NBN: variants seen among roughly 807,000 people sequenced by gnomAD.
The protein encoded by NBN is Nijmegen breakage syndrome 1 (nibrin).
In NBN, 88 loss-of-function variants were observed where a neutral mutation model predicts 90.8. That is an observed-to-expected ratio of 0.97 (90% CI 0.82 to 1.16). The LOEUF (loss-of-function observed/expected upper bound fraction) is 1.16. Among genes scored for constraint, NBN ranks in the 50% most tolerant of loss-of-function variants. NBN has a pLI of 0.00. For missense variants in NBN, 894 were observed against 869.6 expected, an observed-to-expected ratio of 1.03 and a Z score of -0.35; for synonymous variants, 328 against 295.1, an observed-to-expected ratio of 1.11 and a Z score of -1.14.
chr8:89,979,453 G>A (rs895578677), intron 4 of NBN, among the ~76,000 whole-genome samples: 1 of 152,208 alleles, frequency 6.6e-6, no homozygotes, highest in African/African-American at 2.4e-5. Flanking sequence ...TCTAATACAT[G>A]TGACTTGGGA....
intron 12 of NBN, 39 bp from the exon 13 acceptor site, chr8:89,946,334 A>G (rs762251194): frequency 1.3e-6 from 2 of 1,526,286 alleles, no homozygotes; most frequent in Non-Finnish European, 1.8e-6. Context: ...GAAAGAGAAG[A>G]AATAACAAAG....
chr8:89,957,275 G>T (rs578150831), intron 9 of NBN, among the ~76,000 whole-genome samples: 17 of 152,110 alleles, frequency 1.1e-4, no homozygotes, highest in Non-Finnish European at 1.9e-4. Context: ...GCAGGCCTAG[G>T]CTAACATGTA....
At position 89,937,644 on chromosome 8, in the gene NBN, T is replaced by C. The variant is rs548524648; in HGVS notation, c.2185-569A>G. 1.0e-3 allele frequency among the ~76,000 whole-genome samples: 152 copies of C among 152,298 alleles called. 1 individual carries two copies. The highest frequency in any genetic ancestry group is 3.6e-3 in the Admixed American group (55 of 15,304). On this transcript the variant is annotated intron_variant, in intron 14 of 15. Transcript: ENST00000265433. The stretch of plus-strand genomic sequence containing the variant: ...TTCCTAAAGTCTAGCTATGCCCTTA[T>C]CATATGCAATTTGAAACCCTTCGTG...
intron 11 of NBN, among the ~76,000 whole-genome samples, chr8:89,950,212 T>C (rs1304627950): frequency 6.6e-6 from 1 of 152,216 alleles, no homozygotes; most frequent in Non-Finnish European, 1.5e-5. Flanking sequence ...ATCCCTGTGG[T>C]ATCCCTGAGG....
At chr8:89,947,930 A>G in intron 11 of NBN, 38 bp from the exon 12 acceptor site, 3 of 1,235,082 alleles carry the variant, frequency 2.4e-6, no homozygotes, top group Non-Finnish European at 3.5e-6. Flanking sequence ...TCATAGGAGT[A>G]ATAAAATGGT....
At chr8:89,947,773 G>C (rs1192160240) in intron 12 of NBN, 51 bp downstream of exon 12, 1 of 1,013,506 alleles carries the variant, frequency 9.9e-7, no homozygotes, top group Non-Finnish European at 1.5e-6. Flanking sequence ...TTGATGAGAT[G>C]ACAGTCCCCG....
Position 89,933,775 on chromosome 8 carries a change from A to G in NBN, c.*1807T>C. 4.3e-6 allele frequency: 1 copy of G among 232,562 alleles called. No individual in the cohort carries two copies. The allele number at this position is 232,562 out of a possible 1,614,324, so 14.4% of individuals were successfully genotyped here. ...TCAAAATTTAAAACTTCTATTCATC[A>G]AAAGACATAAAGAAAACAGTCAAGC... On this transcript the variant is annotated 3_prime_UTR_variant, in exon 16 of 16. Coordinates refer to ENST00000265433, the MANE Select transcript of NBN (RefSeq NM_002485.5).
intron 7 of NBN, among the ~76,000 whole-genome samples, chr8:89,968,757 T>C (rs1811367974): frequency 6.6e-6 from 1 of 152,202 alleles, no homozygotes; most frequent in South Asian, 2.1e-4. Context: ...TATACATGTG[T>C]AATGATTTGT....
intron 15 of NBN, among the ~76,000 whole-genome samples, chr8:89,936,813 T>G (rs776294980): frequency 1.5e-4 from 23 of 152,178 alleles, no homozygotes; most frequent in Non-Finnish European, 2.8e-4. Context: ...CCCATACAAA[T>G]TTTAAGTATC....
At chr8:89,941,888 A>G (rs1809967142) in intron 14 of NBN, among the ~76,000 whole-genome samples, 1 of 152,202 alleles carries the variant, frequency 6.6e-6, no homozygotes, top group Admixed American at 6.5e-5. Flanking sequence ...ACTTTCCTAA[A>G]TAACCCTTAT....
At chr8:89,961,223 A>G (rs1047166761) in intron 8 of NBN, among the ~76,000 whole-genome samples, 1 of 152,240 alleles carries the variant, frequency 6.6e-6, no homozygotes, top group Non-Finnish European at 1.5e-5. Flanking sequence ...CAATTTCAAC[A>G]GTGGGTGACA....
Position 89,943,288 on chromosome 8 carries a change from T to A in NBN, c.2149A>T (p.Thr717Ser), listed in dbSNP as rs587780093. 9 of 1,613,684 alleles carry A rather than the reference T, an allele frequency of 5.6e-6. No individual in the cohort carries two copies. Among genetic ancestry groups the A allele is most frequent in the Middle Eastern group, 3.3e-4 (2 of 6,080 alleles). ...DLIAHHARKN[T>S]ELEEWLRQEM... Reference sequence around the variant, plus strand: ...TGCCTTAGCCACTCTTCTAGTTCTGTATTCTTTCGAGCATGATGAGCTATT... The same window carrying A: ...TGCCTTAGCCACTCTTCTAGTTCTGAATTCTTTCGAGCATGATGAGCTATT... The change falls in exon 14 of 16, where the codon ACA (threonine) becomes TCA (serine). Residue 717 changes from threonine (T) to serine (S), a missense_variant. Coordinates refer to ENST00000265433, the MANE Select transcript of NBN (RefSeq NM_002485.5).
At chr8:89,944,374 A>G (rs1810093705) in intron 13 of NBN, among the ~76,000 whole-genome samples, 2 of 152,132 alleles carry the variant, frequency 1.3e-5, no homozygotes, top group South Asian at 4.1e-4. Flanking sequence ...TAAAATTTTT[A>G]TACATCTCTG....
chr8:89,955,397 T>C lies in NBN; in HGVS notation c.1283A>G (p.Asn428Ser), dbSNP rs1406123091. 2 of 1,613,878 alleles carry C rather than the reference T, an allele frequency of 1.2e-6. No homozygotes were observed. The change falls in exon 10 of 16, where the codon AAC becomes AGC. Residue 428 changes from asparagine (N) to serine (S), a missense_variant. Coordinates refer to ENST00000265433, the MANE Select transcript of NBN (RefSeq NM_002485.5). ...SNTLAKMRIPNYQLSPTKLPS... is the reference protein window; with the variant it reads ...SNTLAKMRIPSYQLSPTKLPS... Reference sequence around the variant, plus strand: ...CAATTTAGTTGGTGAAAGCTGATAGTTTGGGATTCTCATCTTAGCCAAAGT... The same window carrying C: ...CAATTTAGTTGGTGAAAGCTGATAGCTTGGGATTCTCATCTTAGCCAAAGT...
At position 89,934,208 on chromosome 8, in the gene NBN, T is replaced by A. The variant is rs981010856; in HGVS notation, c.*1374A>T. On this transcript the variant is annotated 3_prime_UTR_variant, in exon 16 of 16. Transcript: ENST00000265433. ...CTATTAAGAGACTCAAATGACTCCA[T>A]TTCATCAACTAATATGCCCTGTCAA... 4.3e-6 allele frequency: 1 copy of A among 231,306 alleles called. No individual in the cohort carries two copies. Among genetic ancestry groups the A allele is most frequent in the African/African-American group, 2.2e-5 (1 of 45,232 alleles). The allele number at this position is 231,306 out of a possible 1,614,324, so 14.3% of individuals were successfully genotyped here.
At chr8:89,982,144 GCACTTTTAT>G (rs774377802) in intron 2 of NBN, 157 of 247,700 alleles carry the variant, frequency 6.3e-4, no homozygotes, top group Non-Finnish European at 1.1e-3. Context: ...ATTTTTTTTA[GCACTTTTAT>G]CACCCAAGGT....
Position 89,964,536 on chromosome 8 carries a change from T to C in NBN, c.897-29A>G, listed in dbSNP as rs549737003. ...TTAGAATAAAATAGTTTAAGTATGA[T>C]AATATATTAAAACTAGCAACTTTTA... On this transcript the variant is annotated intron_variant, in intron 7 of 15. Transcript: ENST00000265433. The C allele has an allele frequency of 2.3e-5, 36 of 1,558,538 alleles. No individual in the cohort carries two copies. The Admixed American group carries it at 4.0e-4, about 17-fold the overall frequency.
chr8:89,964,658 A>G (rs1811162395), intron 7 of NBN, 151 bp from the exon 8 acceptor site: 1 of 714,888 alleles, frequency 1.4e-6, no homozygotes. Flanking sequence ...ATAATAGCTT[A>G]CTCGCTGGGG....
chr8:89,970,240 A>C, intron 7 of NBN, 124 bp downstream of exon 7: 4 of 764,634 alleles, frequency 5.2e-6, no homozygotes, highest in South Asian at 3.3e-5. Flanking sequence ...CAAGAGCAAG[A>C]CTCCGTCTCA....
Sources: gnomAD v4.1 joint callset for allele counts (sites outside exome capture counted in the v4.1 genomes callset) on GRCh38, gnomAD v4.1.1 for gene constraint, MANE v1.5 for transcripts, NCBI Gene and HGNC (gene_info 2026-07-23, HGNC 2026-07-21) for gene names.